GIPC2: variants seen among roughly 807,000 people sequenced by gnomAD.
GIPC2 encodes the protein PDZ domain-containing protein GIPC2.
A neutral mutation model predicts 30.6 loss-of-function variants in GIPC2; 30 were observed. The observed-to-expected ratio is 0.98, with a 90% CI of 0.73 to 1.33. The LOEUF (loss-of-function observed/expected upper bound fraction) is 1.33, where lower values mean the gene tolerates loss of function less well. GIPC2 is among the 40% of genes most tolerant of loss of function. The probability of loss-of-function intolerance (pLI) is 0.00; values close to 1 mark genes in which losing one functional copy is unlikely to be tolerated. For synonymous variants in GIPC2, 167 were observed against 150.0 expected, an observed-to-expected ratio of 1.11 and a Z score of -0.83; for missense variants, 414 against 390.3, an observed-to-expected ratio of 1.06 and a Z score of -0.51.
chr1:78,093,537 G>T (rs886176564), intron 2 of GIPC2, among the ~76,000 whole-genome samples: 1 of 152,156 alleles, frequency 6.6e-6, no homozygotes, highest in Non-Finnish European at 1.5e-5. Flanking sequence ...TTTGAGTTTT[G>T]ATTTATAATA....
intron 1 of GIPC2, among the ~76,000 whole-genome samples, chr1:78,077,221 A>C (rs1661733028): frequency 6.6e-6 from 1 of 152,196 alleles, no homozygotes; most frequent in Non-Finnish European, 1.5e-5. Context: ...TTAAAAACTT[A>C]ATTTAAAAAA....
chr1:78,096,830 T>C (rs539746812), intron 3 of GIPC2, among the ~76,000 whole-genome samples: 2 of 152,324 alleles, frequency 1.3e-5, no homozygotes, highest in East Asian at 1.9e-4. Context: ...GGGCTGTTGG[T>C]TAGAACATCC....
chr1:78,115,192 A>T (rs977439820), intron 3 of GIPC2, among the ~76,000 whole-genome samples: 4 of 151,808 alleles, frequency 2.6e-5, no homozygotes, highest in Non-Finnish European at 5.9e-5. Context: ...TTTTCAATGT[A>T]TGTAGAGTTG....
chr1:78,117,503 A>G (rs1039195514), intron 3 of GIPC2, among the ~76,000 whole-genome samples: 2 of 152,244 alleles, frequency 1.3e-5, no homozygotes, highest in African/African-American at 4.8e-5. Context: ...AGGAATGTAC[A>G]ACCTAGATCC....
intron 3 of GIPC2, among the ~76,000 whole-genome samples, chr1:78,100,424 T>C (rs1662220708): frequency 6.6e-6 from 1 of 152,154 alleles, no homozygotes; most frequent in South Asian, 2.1e-4. Flanking sequence ...TAAGATTGAA[T>C]TGGTAACCTG....
upstream of GIPC2, chr1:78,045,130 G>A: frequency 1.1e-6 from 1 of 923,872 alleles, no homozygotes; most frequent in Non-Finnish European, 1.3e-6. Context: ...CTTGTATTTG[G>A]TAATTAAGAT....
intron 3 of GIPC2, among the ~76,000 whole-genome samples, chr1:78,099,820 T>A (rs1338006266): frequency 6.6e-6 from 1 of 150,938 alleles, no homozygotes; most frequent in Non-Finnish European, 1.5e-5. Context: ...TTGGGGAAGG[T>A]TGTCCTAGGA....
chr1:78,111,409 C>T (rs959962140), intron 3 of GIPC2, among the ~76,000 whole-genome samples: 2 of 152,134 alleles, frequency 1.3e-5, no homozygotes, highest in African/African-American at 4.8e-5. Context: ...CTTTAGAGGA[C>T]CTCAGATGGA....
Position 78,046,199 on chromosome 1 carries a change from C to T in GIPC2, c.105C>T (p.Ser35=). The change falls in exon 1 of 6, where the codon TCC becomes TCT. Residue 35 remains serine, a synonymous_variant. Transcript: ENST00000370759. ...TGAGGGSLSA[S]RAPARRLVFH... ...CGGGCGGCGGGAGCCTCTCAGCGTC[C>T]CGGGCTCCCGCACGCAGGCTGGTCT... 6.3e-7 allele frequency: 1 copy of T among 1,586,114 alleles called. No homozygotes were observed. The highest frequency in any genetic ancestry group is 8.6e-7 in the Non-Finnish European group (1 of 1,168,150).
At chr1:78,076,126 G>A (rs867732283) in intron 1 of GIPC2, among the ~76,000 whole-genome samples, 21 of 152,186 alleles carry the variant, frequency 1.4e-4, no homozygotes, top group African/African-American at 5.1e-4. Context: ...GATTTTCTTG[G>A]CCTAAATTGG....
chr1:78,060,480 A>G (rs1040523720), intron 1 of GIPC2, among the ~76,000 whole-genome samples: 2 of 152,072 alleles, frequency 1.3e-5, no homozygotes, highest in Non-Finnish European at 2.9e-5. Flanking sequence ...TCTCAGTGTT[A>G]ACTGCAACCT....
intron 5 of GIPC2, among the ~76,000 whole-genome samples, chr1:78,131,869 A>T (rs1662905400): frequency 6.6e-6 from 1 of 152,264 alleles, no homozygotes; most frequent in South Asian, 2.1e-4. Context: ...TTTTTAAAAG[A>T]TGTATAGAGC....
At chr1:78,049,983 G>A (rs759460325) in intron 1 of GIPC2, among the ~76,000 whole-genome samples, 3 of 138,550 alleles carry the variant, frequency 2.2e-5, no homozygotes, top group African/African-American at 8.1e-5. Flanking sequence ...TGCAACCTCC[G>A]CCTTCTGTGT....
At chr1:78,080,919 C>T (rs1661815614) in intron 2 of GIPC2, 59 bp downstream of exon 2, 2 of 991,648 alleles carry the variant, frequency 2.0e-6, no homozygotes, top group African/African-American at 1.7e-5. Context: ...GAAAATCTAC[C>T]AGGCCAAAGA....
In GIPC2 at chr1:78,137,756, A is replaced by G. The variant is rs899894656; in HGVS notation, c.*2013A>G. On this transcript the variant is annotated 3_prime_UTR_variant, in exon 6 of 6. Transcript: ENST00000370759. Reference sequence around the variant, plus strand: ...ATCTTTCACCTCTACAGCTAAACTGATAACAAGGTCAGTTTCTTTATGTCA... The same window carrying G: ...ATCTTTCACCTCTACAGCTAAACTGGTAACAAGGTCAGTTTCTTTATGTCA... 1.3e-5 allele frequency: 2 copies of G among 152,144 alleles called. No individual in the cohort carries two copies. Among genetic ancestry groups the G allele is most frequent in the African/African-American group, 2.4e-5 (1 of 41,432 alleles). The allele number at this position is 152,144 out of a possible 1,614,324, so 9.4% of individuals were successfully genotyped here.
At chr1:78,071,436 C>T (rs1212725395) in intron 1 of GIPC2, among the ~76,000 whole-genome samples, 1 of 151,638 alleles carries the variant, frequency 6.6e-6, no homozygotes, top group Non-Finnish European at 1.5e-5. Context: ...ATATTTGGTT[C>T]CATACAGAGT....
intron 2 of GIPC2, chr1:78,088,869 C>G (rs1661984656): frequency 6.6e-6 from 1 of 151,552 alleles, no homozygotes; most frequent in African/African-American, 2.4e-5. Flanking sequence ...AAAATACATT[C>G]AGAGATGTGT....
chr1:78,059,592 A>C (rs2102640164), intron 1 of GIPC2, among the ~76,000 whole-genome samples: 1 of 152,198 alleles, frequency 6.6e-6, no homozygotes, highest in Admixed American at 6.5e-5. Flanking sequence ...AAAATACAAA[A>C]ATGAGTAAGG....
chr1:78,055,098 C>T (rs1265117381), intron 1 of GIPC2, among the ~76,000 whole-genome samples: 1 of 152,162 alleles, frequency 6.6e-6, no homozygotes, highest in African/African-American at 2.4e-5. Context: ...ACTGGGAAGT[C>T]CTAGATTGAT....
Sources: gnomAD v4.1 joint callset for allele counts (sites outside exome capture counted in the v4.1 genomes callset) on GRCh38, gnomAD v4.1.1 for gene constraint, MANE v1.5 for transcripts, NCBI Gene and HGNC (gene_info 2026-07-23, HGNC 2026-07-21) for gene names.